Variants in SEC22A observed in about 807,000 individuals in gnomAD.
SEC22A encodes the protein SEC22 homolog A, vesicle trafficking protein.
Under a neutral mutation model 35.3 loss-of-function variants are expected in SEC22A, and 22 were observed. The observed-to-expected ratio is 0.62, with a 90% confidence interval of 0.45 to 0.89. The LOEUF (loss-of-function observed/expected upper bound fraction) is 0.89, where lower values mean the gene tolerates loss of function less well. Ranked by LOEUF, SEC22A falls within the 40% of genes least tolerant of loss-of-function variation. SEC22A has a pLI of 0.00. For synonymous variants in SEC22A, 119 were observed against 129.5 expected (o/e 0.92, Z 0.55); for missense variants, 354 against 362.5 (o/e 0.98, Z 0.19).
chr3:123,238,736 CTT>C (rs1937472277), intron 4 of SEC22A, among the ~76,000 whole-genome samples: 2 of 151,970 alleles, frequency 1.3e-5, no homozygotes, highest in African/African-American at 2.4e-5. Context: ...ACTTTTTTCT[CTT>C]TCTAATCTTT....
intron 2 of SEC22A, among the ~76,000 whole-genome samples, chr3:123,213,455 T>C (rs1481753953): frequency 6.6e-6 from 1 of 152,206 alleles, no homozygotes; most frequent in South Asian, 2.1e-4. Context: ...CTCCTAGCCA[T>C]ATTAAATGCT....
At chr3:123,264,716 C>T (rs1264044346) in intron 6 of SEC22A, among the ~76,000 whole-genome samples, 3 of 151,456 alleles carry the variant, frequency 2.0e-5, no homozygotes, top group Admixed American at 2.0e-4. Flanking sequence ...GCAACCTCCA[C>T]CTCCCGGGTT....
At chr3:123,239,626 C>G (rs1015052102) in intron 4 of SEC22A, among the ~76,000 whole-genome samples, 4 of 152,056 alleles carry the variant, frequency 2.6e-5, no homozygotes, top group African/African-American at 9.7e-5. Context: ...TAAATGTCTT[C>G]TTTTGAGAAG....
chr3:123,207,921 T>C (rs1424773710), intron 1 of SEC22A, among the ~76,000 whole-genome samples: 1 of 152,230 alleles, frequency 6.6e-6, no homozygotes, highest in Non-Finnish European at 1.5e-5. Flanking sequence ...AGGATTTATT[T>C]TAAATAATTT....
At position 123,208,719 on chromosome 3, in the gene SEC22A, C is replaced by CAA. The variant is rs112639427; in HGVS notation, c.-19-470_-19-469dup. On this transcript the variant is annotated intron_variant, in intron 1 of 6. Transcript: ENST00000492595. Reference sequence around the variant, plus strand: ...TGGGTGACAGAGCAAGATGCTGTCTCAAAAAAAAAAACAAAAAACAAAAAA... The same window carrying CAA: ...TGGGTGACAGAGCAAGATGCTGTCTCAAAAAAAAAAAAACAAAAAACAAAAAA... 7.0e-3 allele frequency: 945 copies of CAA among 135,252 alleles called. 13 individuals carry two copies. Among genetic ancestry groups the CAA allele is most frequent in the African/African-American group, 0.019 (664 of 35,394 alleles). 8.4% of individuals were successfully genotyped at this position (135,252 alleles called of 1,614,324 possible).
At chr3:123,247,861 A>G (rs553807531) in intron 5 of SEC22A, among the ~76,000 whole-genome samples, 6 of 152,210 alleles carry the variant, frequency 3.9e-5, no homozygotes, top group Admixed American at 3.3e-4. Context: ...GAAATAATTA[A>G]CACCACAACC....
chr3:123,221,076 C>T (rs1937114783), intron 2 of SEC22A, among the ~76,000 whole-genome samples: 1 of 151,554 alleles, frequency 6.6e-6, no homozygotes. Flanking sequence ...AATTTGAATC[C>T]TGTGAACATA....
At chr3:123,260,213 A>G (rs72962438) in intron 6 of SEC22A, among the ~76,000 whole-genome samples, 27,564 of 144,820 alleles carry the variant, frequency 0.19, 2,855 homozygotes, top group Middle Eastern at 0.27. Flanking sequence ...TCCAGGTTCT[A>G]CTTATACTCT....
intron 2 of SEC22A, among the ~76,000 whole-genome samples, chr3:123,215,760 C>T (rs1288844304): frequency 6.6e-6 from 1 of 152,244 alleles, no homozygotes; most frequent in Non-Finnish European, 1.5e-5. Flanking sequence ...TACCCTTAAC[C>T]CCTTTCTTGG....
intron 4 of SEC22A, among the ~76,000 whole-genome samples, chr3:123,239,507 A>G (rs572251869): frequency 1.7e-3 from 247 of 149,656 alleles, no homozygotes; most frequent in African/African-American, 5.9e-3. Flanking sequence ...CCATGTGTCC[A>G]TGTGTTCTCA....
At chr3:123,232,613 G>A (rs1332439845) in intron 4 of SEC22A, among the ~76,000 whole-genome samples, 2 of 152,186 alleles carry the variant, frequency 1.3e-5, no homozygotes, top group Admixed American at 6.5e-5. Context: ...TTGGGAGGCC[G>A]AAGCAGGTAG....
chr3:123,224,594 G>A lies in SEC22A; in HGVS notation c.347-509G>A, dbSNP rs189168773. On this transcript the variant is annotated intron_variant, in intron 3 of 6. Transcript: ENST00000492595. ...TAGGATCACTTAAGGCCAGGAGTTC[G>A]AGACCACCCTGGGCAACATAGACCC... 3.7e-3 allele frequency among the ~76,000 whole-genome samples: 564 copies of A among 152,170 alleles called. 4 individuals carry two copies. Among genetic ancestry groups the A allele is most frequent in the African/African-American group, 0.013 (533 of 41,518 alleles).
At chr3:123,234,420 A>G (rs1407421672) in intron 4 of SEC22A, among the ~76,000 whole-genome samples, 1 of 152,200 alleles carries the variant, frequency 6.6e-6, no homozygotes, top group Non-Finnish European at 1.5e-5. Context: ...GTTTAAGGAT[A>G]GACACATAGA....
intron 4 of SEC22A, among the ~76,000 whole-genome samples, chr3:123,242,341 C>T (rs1321127816): frequency 1.3e-5 from 2 of 152,120 alleles, no homozygotes; most frequent in Non-Finnish European, 2.9e-5. Flanking sequence ...AAGTTTCTTC[C>T]TGTGGATCTG....
At chr3:123,221,042 C>G (rs73197534) in intron 2 of SEC22A, among the ~76,000 whole-genome samples, 2 of 151,660 alleles carry the variant, frequency 1.3e-5, no homozygotes, top group Non-Finnish European at 2.9e-5. Context: ...GTGCAGTATA[C>G]CCTTTTATTT....
At chr3:123,208,788 AGTTTTTT>A in intron 1 of SEC22A, 1 of 182,772 alleles carries the variant, frequency 5.5e-6, no homozygotes, top group African/African-American at 2.4e-5. Flanking sequence ...TGTTTTAATT[AGTTTTTT>A]GTTTTTTTTT....
At chr3:123,264,294 G>T (rs531978655) in intron 6 of SEC22A, among the ~76,000 whole-genome samples, 1 of 152,342 alleles carries the variant, frequency 6.6e-6, no homozygotes, top group African/African-American at 2.4e-5. Flanking sequence ...GCAGGTTTTT[G>T]TGCAGACATA....
chr3:123,254,746 T>A (rs999952098), intron 5 of SEC22A, among the ~76,000 whole-genome samples: 4 of 151,152 alleles, frequency 2.6e-5, no homozygotes, highest in African/African-American at 4.9e-5. Flanking sequence ...TCTTTTTTTT[T>A]ATTATACTTC....
intron 4 of SEC22A, among the ~76,000 whole-genome samples, chr3:123,242,280 C>T (rs1232249158): frequency 6.6e-6 from 1 of 152,160 alleles, no homozygotes. Context: ...AAACACGGCC[C>T]ACCATCACCT....
Sources: gnomAD v4.1 joint callset for allele counts (sites outside exome capture counted in the v4.1 genomes callset) on GRCh38, gnomAD v4.1.1 for gene constraint, MANE v1.5 for transcripts, NCBI Gene and HGNC (gene_info 2026-07-23, HGNC 2026-07-21) for gene names.